FAM76A: variants seen among roughly 807,000 people sequenced by gnomAD.
The protein encoded by FAM76A is protein FAM76A.
Under a neutral mutation model 46.2 loss-of-function variants are expected in FAM76A, and 32 were observed. The observed-to-expected ratio is 0.69, with a 90% CI of 0.52 to 0.93. FAM76A has a LOEUF of 0.93. FAM76A is among the 40% of genes least tolerant of loss of function. The probability of loss-of-function intolerance (pLI) is 0.00; values close to 1 mark genes in which losing one functional copy is unlikely to be tolerated. For synonymous variants in FAM76A, 137 were observed against 127.0 expected, an observed-to-expected ratio of 1.08 and a Z score of -0.53; for missense variants, 274 against 361.5, an observed-to-expected ratio of 0.76 and a Z score of 1.96.
intron 3 of FAM76A, 56 bp downstream of exon 3, chr1:27,732,713 C>A: frequency 6.1e-6 from 8 of 1,302,618 alleles, no homozygotes; most frequent in Non-Finnish European, 8.7e-6. Context: ...TGGAACCTTA[C>A]CTTCTGTGGC....
intron 2 of FAM76A, among the ~76,000 whole-genome samples, chr1:27,727,800 ATTTTTTTTTTTT>A (rs10716346): frequency 1.5e-5 from 1 of 64,560 alleles, no homozygotes; most frequent in Non-Finnish European, 3.0e-5. Context: ...GATTGCTTAA[ATTTTTTTTTTTT>A]TTTTTTTTTT....
chr1:27,745,185 G>C (rs2088222322), intron 5 of FAM76A, among the ~76,000 whole-genome samples: 1 of 151,956 alleles, frequency 6.6e-6, no homozygotes, highest in Admixed American at 6.6e-5. Context: ...GGTTTGTCCT[G>C]GTGGCACCTA....
rs1351274894 is a variant in FAM76A at position 27,755,204 on chromosome 1, A to G, written c.609A>G (p.Pro203=). ...TGATTTTTAAATTTAGCTTCTCCCC[A>G]GACCTGGCTCTGGACTCACCAGGCA... The part of the protein sequence containing the change: ...SITTNGDSFS[P]DLALDSPGTD... The change falls in exon 7 of 9, where the codon CCA becomes CCG. Residue 203 remains proline, a synonymous_variant. Coordinates refer to ENST00000373954, the MANE Select transcript of FAM76A (RefSeq NM_152660.3). 1.1e-5 allele frequency: 17 copies of G among 1,614,156 alleles called. No homozygotes were observed. The highest frequency in any genetic ancestry group is 1.4e-5 in the Non-Finnish European group (17 of 1,180,020).
chr1:27,733,574 G>A (rs551415469), intron 3 of FAM76A, among the ~76,000 whole-genome samples: 29 of 152,048 alleles, frequency 1.9e-4, no homozygotes, highest in Admixed American at 1.2e-3. Flanking sequence ...ATGGCCGGGC[G>A]TGGTGGCTCA....
At chr1:27,759,000 C>T (rs761819961) in intron 7 of FAM76A, among the ~76,000 whole-genome samples, 2 of 152,094 alleles carry the variant, frequency 1.3e-5, no homozygotes, top group Non-Finnish European at 2.9e-5. Context: ...GGTTGCCCTC[C>T]TGCTCACCTT....
intron 6 of FAM76A, among the ~76,000 whole-genome samples, chr1:27,753,915 G>A (rs2088369577): frequency 6.6e-6 from 1 of 152,118 alleles, no homozygotes; most frequent in Non-Finnish European, 1.5e-5. Flanking sequence ...CGTTCTTTGA[G>A]AACTCTCTAG....
intron 5 of FAM76A, among the ~76,000 whole-genome samples, chr1:27,747,168 A>C (rs1184311936): frequency 6.6e-6 from 1 of 152,190 alleles, no homozygotes; most frequent in Non-Finnish European, 1.5e-5. Flanking sequence ...AGGAATCTAC[A>C]TTATTTTATA....
intron 4 of FAM76A, chr1:27,740,575 CTTG>C (rs1172109364): frequency 2.0e-6 from 2 of 989,310 alleles, no homozygotes; most frequent in Non-Finnish European, 3.2e-6. Context: ...CTGTGATTGA[CTTG>C]TTAAGAAATA....
chr1:27,743,065 AAAAC>A (rs775453585), intron 4 of FAM76A, among the ~76,000 whole-genome samples: 5 of 152,216 alleles, frequency 3.3e-5, no homozygotes, highest in East Asian at 1.9e-4. Flanking sequence ...CTCTGTCTCA[AAAAC>A]AAACAAACAA....
intron 5 of FAM76A, among the ~76,000 whole-genome samples, chr1:27,748,416 G>C (rs945163799): frequency 7.5e-6 from 1 of 133,074 alleles, no homozygotes; most frequent in African/African-American, 2.8e-5. Flanking sequence ...GAGCCACCGC[G>C]CCCAGCCAAA....
At chr1:27,750,331 T>C (rs756375041) in intron 6 of FAM76A, among the ~76,000 whole-genome samples, 3 of 152,236 alleles carry the variant, frequency 2.0e-5, no homozygotes, top group African/African-American at 4.8e-5. Flanking sequence ...GAATTGAACC[T>C]TCTGGAATGC....
intron 6 of FAM76A, among the ~76,000 whole-genome samples, chr1:27,751,446 G>A (rs1317349278): frequency 6.8e-6 from 1 of 146,814 alleles, no homozygotes; most frequent in African/African-American, 2.5e-5. Context: ...CATTTTTTTT[G>A]ACAGTCCTTT....
chr1:27,732,689 G>A (rs375169494), intron 3 of FAM76A, 32 bp downstream of exon 3: 10 of 1,555,224 alleles, frequency 6.4e-6, no homozygotes, highest in Non-Finnish European at 7.9e-6. Flanking sequence ...CTAACAGTGA[G>A]TACTAGGGTC....
rs1028070050 is a variant in FAM76A at position 27,763,105 on chromosome 1, A to G, written c.*2524A>G. On this transcript the variant is annotated 3_prime_UTR_variant, in exon 9 of 9. Coordinates refer to ENST00000373954, the MANE Select transcript of FAM76A (RefSeq NM_152660.3). ...GACAAATGTGTGTTAATAAAAATTC[A>G]TATTGACTCAAGTGTAATTGTTGGA... 7 of 152,224 alleles carry G rather than the reference A, an allele frequency of 4.6e-5. No homozygotes were observed. Among genetic ancestry groups the G allele is most frequent in the Non-Finnish European group, 1.0e-4 (7 of 68,036 alleles). 9.4% of individuals were successfully genotyped at this position (152,224 alleles called of 1,614,324 possible).
intron 5 of FAM76A, among the ~76,000 whole-genome samples, chr1:27,746,078 CTAAT>C (rs747012578): frequency 6.6e-6 from 1 of 151,484 alleles, no homozygotes; most frequent in Non-Finnish European, 1.5e-5. Context: ...GGACTGGGGG[CTAAT>C]TAAAGGCTTT....
chr1:27,744,176 T>C (rs2088201355), intron 4 of FAM76A, among the ~76,000 whole-genome samples: 2 of 152,196 alleles, frequency 1.3e-5, no homozygotes, highest in African/African-American at 4.8e-5. Context: ...GTTGCCAGGC[T>C]AGAGTGCCAT....
intron 6 of FAM76A, among the ~76,000 whole-genome samples, chr1:27,750,640 C>T (rs1287177363): frequency 6.6e-6 from 1 of 152,262 alleles, no homozygotes; most frequent in Non-Finnish European, 1.5e-5. Flanking sequence ...TCGTTCGTAT[C>T]TTCCAGTTTA....
intron 2 of FAM76A, among the ~76,000 whole-genome samples, chr1:27,730,618 G>C (rs1282059107): frequency 1.3e-5 from 2 of 152,150 alleles, no homozygotes; most frequent in African/African-American, 4.8e-5. Flanking sequence ...ATCATTGATG[G>C]TAATCCTCTT....
At chr1:27,754,389 A>G (rs1320412763) in intron 6 of FAM76A, among the ~76,000 whole-genome samples, 1 of 152,130 alleles carries the variant, frequency 6.6e-6, no homozygotes, top group Non-Finnish European at 1.5e-5. Context: ...TATAGGCGTG[A>G]GCCACCGCGC....
Sources: allele counts gnomAD v4.1 joint callset (sites outside exome capture counted in the v4.1 genomes callset), GRCh38; gene constraint gnomAD v4.1.1; transcripts MANE v1.5; gene names NCBI Gene and HGNC (gene_info 2026-07-23, HGNC 2026-07-21).